The following IPO7 variants were observed in gnomAD, a reference collection of about 807,000 sequenced individuals.
IPO7 encodes the protein importin 7.
In IPO7, 13 loss-of-function variants were observed where a neutral mutation model predicts 136.4. The ratio of observed to expected loss-of-function variants is 0.10; its 90% CI spans 0.06 to 0.15. The LOEUF is 0.15. Among genes scored for constraint, IPO7 ranks in the 10% least tolerant of loss-of-function variants. IPO7 has a pLI of 1.00. For missense variants in IPO7, 857 were observed against 1,240.6 expected (o/e 0.69, Z 4.65); for synonymous variants, 403 against 404.4 (o/e 1.00, Z 0.04).
chr11:9,441,444 T>C (rs1304119179), intron 23 of IPO7, among the ~76,000 whole-genome samples: 1 of 152,242 alleles, frequency 6.6e-6, no homozygotes, highest in Non-Finnish European at 1.5e-5. Flanking sequence ...ATTGCTGTTA[T>C]ATATCATTTC....
chr11:9,444,370 ATTATT>A lies in IPO7; in HGVS notation c.3020-720_3020-716del, dbSNP rs773904237. Among the ~76,000 whole-genome samples the A allele has an allele frequency of 3.0e-4, 45 of 151,338 alleles. 1 individual carries two copies. Among genetic ancestry groups the A allele is most frequent in the African/African-American group, 6.0e-4 (25 of 41,358 alleles). The stretch of plus-strand genomic sequence containing the variant: ...AGACTTTTTTTTATAAATTAAAAAA[ATTATT>A]TTATTTATTTGTTTGAGTGACACTG... On this transcript the variant is annotated intron_variant, in intron 24 of 24. Transcript: ENST00000379719.
At chr11:9,388,418 G>A (rs921311780) in intron 1 of IPO7, among the ~76,000 whole-genome samples, 1 of 151,602 alleles carries the variant, frequency 6.6e-6, no homozygotes, top group Non-Finnish European at 1.5e-5. Context: ...CTTGTGATCC[G>A]CCCACCTCGG....
At chr11:9,438,052 T>TTG (rs1565004439) in intron 21 of IPO7, 28 bp from the exon 22 acceptor site, 7 of 455,242 alleles carry the variant, frequency 1.5e-5, no homozygotes, top group Admixed American at 9.3e-5. Context: ...ACAGTTTTTT[T>TTG]TTTTTTTTTT....
chr11:9,425,302 T>A, intron 12 of IPO7, 40 bp downstream of exon 12: 1 of 1,195,132 alleles, frequency 8.4e-7, no homozygotes, highest in Non-Finnish European at 1.2e-6. Context: ...ACTATGCAAG[T>A]AGTTTTAAAA....
chr11:9,423,278 G>A, intron 9 of IPO7, 138 bp downstream of exon 9: 1 of 523,476 alleles, frequency 1.9e-6, no homozygotes, highest in Non-Finnish European at 3.3e-6. Flanking sequence ...GAGTATAGCA[G>A]AAAAAGGAGA....
chr11:9,397,266 C>T (rs1854721591), intron 1 of IPO7, among the ~76,000 whole-genome samples: 1 of 142,066 alleles, frequency 7.0e-6, no homozygotes, highest in Non-Finnish European at 1.5e-5. Context: ...CGCAGTGGAT[C>T]ACGAGGTCAG....
chr11:9,412,722 C>T (rs1195195584), intron 4 of IPO7, among the ~76,000 whole-genome samples: 24 of 151,998 alleles, frequency 1.6e-4, no homozygotes, highest in Non-Finnish European at 1.5e-5. Context: ...GTCCCAGCTA[C>T]TCAAGAGGCT....
rs879094514 is a variant in IPO7, at chr11:9,447,041, T to A, written c.*1847T>A. Reference sequence around the variant, plus strand: ...TATAAAGTCAATAAAAATGAAGTAGTTGTATATATGCAACATTGTGTACAG... The same window carrying A: ...TATAAAGTCAATAAAAATGAAGTAGATGTATATATGCAACATTGTGTACAG... On this transcript the variant is annotated 3_prime_UTR_variant, in exon 25 of 25. Coordinates refer to ENST00000379719, the MANE Select transcript of IPO7 (RefSeq NM_006391.3). 6.6e-6 allele frequency: 1 copy of A among 152,198 alleles called. No homozygotes were observed. The highest frequency in any genetic ancestry group is 2.4e-5 in the African/African-American group (1 of 41,464). 9.4% of individuals were successfully genotyped at this position (152,198 alleles called of 1,614,324 possible).
At chr11:9,424,829 A>G in intron 10 of IPO7, 85 bp from the exon 11 acceptor site, 2 of 865,522 alleles carry the variant, frequency 2.3e-6, no homozygotes, top group South Asian at 3.0e-5. Flanking sequence ...TCATTTTCAT[A>G]CCTTATGTAA....
chr11:9,396,899 TCA>T lies in IPO7; in HGVS notation c.85-6390_85-6389del, dbSNP rs1359679073. ...TGTGAAAGTTGGGGTAAAAATAGTC[TCA>T]GTTTTGTTTTTTTAAGTTAAATCTG... On this transcript the variant is annotated intron_variant, in intron 1 of 24. Transcript: ENST00000379719. Among the ~76,000 whole-genome samples the T allele has an allele frequency of 3.9e-5, 6 of 152,172 alleles. No individual in the cohort carries two copies. The East Asian group carries it at 1.2e-3, about 29-fold the overall frequency.
At chr11:9,436,035 C>G (rs1590451948) in intron 19 of IPO7, among the ~76,000 whole-genome samples, 1 of 152,126 alleles carries the variant, frequency 6.6e-6, no homozygotes, top group African/African-American at 2.4e-5. Flanking sequence ...TCACAAAGAC[C>G]AAGATGCCAG....
chr11:9,425,380 G>A, intron 12 of IPO7, 118 bp downstream of exon 12: 1 of 677,188 alleles, frequency 1.5e-6, no homozygotes, highest in Non-Finnish European at 2.6e-6. Context: ...GCTGAGGCAG[G>A]CAGATTGCCT....
intron 20 of IPO7, 101 bp from the exon 21 acceptor site, chr11:9,437,653 C>T: frequency 1.2e-6 from 1 of 823,610 alleles, no homozygotes; most frequent in Non-Finnish European, 1.9e-6. Context: ...TCATCTAATG[C>T]TACAATAGGG....
Position 9,440,581 on chromosome 11 carries a change from C to T in IPO7, c.2822C>T (p.Ala941Val), listed in dbSNP as rs574392363. ...GAAGAAGATGATGCTGAAGAGACTG[C>T]TCTGGAAGGCTATTCCACAATCATT... Reference protein sequence around the residue: ...DWEEDDAEETALEGYSTIIDD... With the variant: ...DWEEDDAEETVLEGYSTIIDD... The change falls in exon 23 of 25, where the codon GCT (alanine) becomes GTT (valine). Residue 941 changes from alanine to valine, a missense_variant. By Grantham distance (64) the Ala-to-Val change is moderately conservative (BLOSUM62 0). This residue lies in a region of IPO7 where 119 missense variants were observed against 155.5 expected (regional missense o/e 0.77). Coordinates refer to ENST00000379719, the MANE Select transcript of IPO7 (RefSeq NM_006391.3). 1 of 1,613,790 alleles carries T rather than the reference C, an allele frequency of 6.2e-7. No homozygotes were observed. The highest frequency in any genetic ancestry group is 8.5e-7 in the Non-Finnish European group (1 of 1,179,716).
At chr11:9,409,888 A>G in intron 3 of IPO7, 40 bp from the exon 4 acceptor site, 1 of 1,453,514 alleles carries the variant, frequency 6.9e-7, no homozygotes, top group Non-Finnish European at 9.1e-7. Context: ...AATCTTACCT[A>G]GTTAGGATTT....
chr11:9,430,817 C>G (rs1192862857), intron 15 of IPO7, 58 bp from the exon 16 acceptor site: 1 of 1,513,248 alleles, frequency 6.6e-7, no homozygotes, highest in Non-Finnish European at 9.1e-7. Flanking sequence ...AAGTCTTAGA[C>G]CAAAACATAT....
chr11:9,436,868 A>ATATATATATATATATTT (rs1855382626), intron 20 of IPO7, among the ~76,000 whole-genome samples: 1 of 18,228 alleles, frequency 5.5e-5, no homozygotes, highest in Non-Finnish European at 9.0e-5. Flanking sequence ...ATATATATAT[A>ATATATATATATATATTT]TTTTTTTTTT....
intron 3 of IPO7, 57 bp downstream of exon 3, chr11:9,408,696 G>A: frequency 1.1e-5 from 2 of 181,238 alleles, no homozygotes; most frequent in African/African-American, 4.8e-5. Flanking sequence ...AGGGTTTTTT[G>A]TTTTTTGGTT....
intron 10 of IPO7, 111 bp downstream of exon 10, chr11:9,423,987 A>G (rs1417178660): frequency 8.2e-6 from 5 of 609,582 alleles, no homozygotes; most frequent in African/African-American, 5.6e-5. Flanking sequence ...GTTTTAATGT[A>G]ATTGATCCCT....
Sources: allele counts gnomAD v4.1 joint callset (sites outside exome capture counted in the v4.1 genomes callset), GRCh38; gene constraint gnomAD v4.1.1; regional missense constraint gnomAD v4.1.1; transcripts MANE v1.5; gene names NCBI Gene and HGNC (gene_info 2026-07-23, HGNC 2026-07-21).